ZNF292: variants seen among roughly 807,000 people sequenced by gnomAD.
The protein encoded by ZNF292 is 16 zinc-finger domain protein.
Under a neutral mutation model 217.9 loss-of-function variants are expected in ZNF292, and 26 were observed. The observed-to-expected ratio is 0.12, with a 90% CI of 0.09 to 0.17. The LOEUF is 0.17. Among genes scored for constraint, ZNF292 ranks in the 10% least tolerant of loss-of-function variants. ZNF292 has a pLI of 1.00. For synonymous variants in ZNF292, 1,257 were observed against 1,124.1 expected (o/e 1.12, Z -2.37); for missense variants, 2,904 against 3,175.2 (o/e 0.91, Z 2.05).
chr6:87,166,831 C>T (rs1770932023), intron 1 of ZNF292, among the ~76,000 whole-genome samples: 1 of 152,094 alleles, frequency 6.6e-6, no homozygotes, highest in African/African-American at 2.4e-5. Context: ...TTTTGGATTC[C>T]TTCATTGTAC....
chr6:87,191,239 T>G (rs1319524311), intron 1 of ZNF292, among the ~76,000 whole-genome samples: 3 of 152,142 alleles, frequency 2.0e-5, no homozygotes, highest in Non-Finnish European at 4.4e-5. Context: ...AAGAATTGTC[T>G]TGAGCCACAC....
Position 87,261,720 on chromosome 6 carries a change from T to TG in ZNF292, c.8092dup (p.Glu2698GlyfsTer6), listed in dbSNP as rs780666930. On this transcript the variant is annotated frameshift_variant, in exon 8 of 8. Coordinates refer to ENST00000369577, the MANE Select transcript of ZNF292 (RefSeq NM_015021.3). LOFTEE classifies it high-confidence loss of function. ...AACCTACCGTCAGTCTGAAAAAACT[T>TG]GAAGTACATTCAAATGATCCAGATA... The TG allele has an allele frequency of 2.1e-5, 34 of 1,612,990 alleles. No individual in the cohort carries two copies. Among genetic ancestry groups the TG allele is most frequent in the Non-Finnish European group, 5.9e-6 (7 of 1,179,364 alleles).
chr6:87,160,471 G>A (rs145162674), intron 1 of ZNF292, among the ~76,000 whole-genome samples: 88 of 145,836 alleles, frequency 6.0e-4, no homozygotes, highest in African/African-American at 2.3e-3. Context: ...GTATACATAC[G>A]TACATGTGTT....
chr6:87,263,339 T>C lies in ZNF292; in HGVS notation c.*1538T>C, dbSNP rs567142278. On this transcript the variant is annotated 3_prime_UTR_variant, in exon 8 of 8. Transcript: ENST00000369577. ...TTGTGTTTGTTATAAAACAGTTGCATTCACAATATTATTGGCCTGAGATAT... is the reference window on the plus strand; with the variant it reads ...TTGTGTTTGTTATAAAACAGTTGCACTCACAATATTATTGGCCTGAGATAT... 34 of 152,150 alleles carry C rather than the reference T, an allele frequency of 2.2e-4. No individual in the cohort carries two copies. The highest frequency in any genetic ancestry group is 7.9e-4 in the African/African-American group (33 of 41,556). 9.4% of individuals were successfully genotyped at this position (152,150 alleles called of 1,614,324 possible).
In ZNF292 at chr6:87,261,396, G is replaced by T. The variant is rs753128874; in HGVS notation, c.7767G>T (p.Met2589Ile). 6.2e-7 allele frequency: 1 copy of T among 1,612,208 alleles called. No individual in the cohort carries two copies. Among genetic ancestry groups the T allele is most frequent in the Non-Finnish European group, 8.5e-7 (1 of 1,179,096 alleles). Residue 2589 changes from methionine to isoleucine, a missense_variant, in exon 8 of 8, where the codon ATG (methionine) becomes ATT (isoleucine). Met to Ile is a conservative substitution (Grantham distance 10, BLOSUM62 1). Coordinates refer to ENST00000369577, the MANE Select transcript of ZNF292 (RefSeq NM_015021.3). ...ASFDWSSFKP[M>I]GFEVSFLKFL... ...TTGACTGGAGCTCTTTTAAGCCAAT[G>T]GGATTTGAAGTATCATTTCTGAAGT...
At chr6:87,222,971 G>C (rs1582447545) in intron 4 of ZNF292, 2 of 300,834 alleles carry the variant, frequency 6.6e-6, no homozygotes, top group East Asian at 1.5e-4. Context: ...TGGGTTTTGA[G>C]GAGGAAGACC....
intron 1 of ZNF292, among the ~76,000 whole-genome samples, chr6:87,198,977 A>G (rs925887110): frequency 9.9e-5 from 15 of 152,172 alleles, no homozygotes; most frequent in Non-Finnish European, 1.5e-4. Flanking sequence ...GTGAACAGTC[A>G]TATACTTTTC....
chr6:87,226,885 G>A (rs909210887), intron 4 of ZNF292, among the ~76,000 whole-genome samples: 2 of 151,650 alleles, frequency 1.3e-5, no homozygotes, highest in Non-Finnish European at 2.9e-5. Flanking sequence ...TCACTATGTT[G>A]GCCAGGCTGG....
intron 7 of ZNF292, among the ~76,000 whole-genome samples, chr6:87,253,806 T>C (rs1426739410): frequency 6.6e-6 from 1 of 152,238 alleles, no homozygotes; most frequent in Non-Finnish European, 1.5e-5. Flanking sequence ...ACATATTTTA[T>C]TCCAGTGAAT....
chr6:87,239,432 G>A (rs1230051952), intron 5 of ZNF292, among the ~76,000 whole-genome samples: 5 of 143,454 alleles, frequency 3.5e-5, no homozygotes, highest in Non-Finnish European at 5.9e-5. Flanking sequence ...GTGGCTGGCC[G>A]GGCGGGGGCT....
chr6:87,261,372 T>C lies in ZNF292; in HGVS notation c.7743T>C (p.Phe2581=). The change falls in exon 8 of 8, where the codon TTT becomes TTC. Residue 2581 remains phenylalanine, a synonymous_variant. Coordinates refer to ENST00000369577, the MANE Select transcript of ZNF292 (RefSeq NM_015021.3). ...IQTIEEHPAS[F]DWSSFKPMGF... is the part of the protein sequence containing the mutation. ...CCATTGAGGAGCATCCTGCATCTTTTGACTGGAGCTCTTTTAAGCCAATGG... is the reference window on the plus strand; with the variant it reads ...CCATTGAGGAGCATCCTGCATCTTTCGACTGGAGCTCTTTTAAGCCAATGG... The C allele has an allele frequency of 6.2e-7, 1 of 1,613,246 alleles. No individual in the cohort carries two copies. The highest frequency in any genetic ancestry group is 8.5e-7 in the Non-Finnish European group (1 of 1,179,582).
intron 1 of ZNF292, among the ~76,000 whole-genome samples, chr6:87,208,013 G>A (rs1306074871): frequency 1.3e-5 from 2 of 152,016 alleles, no homozygotes; most frequent in African/African-American, 2.4e-5. Flanking sequence ...TGCCTAGAAG[G>A]TAAAAAATTT....
At chr6:87,190,366 T>C (rs1055669550) in intron 1 of ZNF292, among the ~76,000 whole-genome samples, 22 of 152,344 alleles carry the variant, frequency 1.4e-4, no homozygotes, top group African/African-American at 3.8e-4. Context: ...TTTTAAGTTA[T>C]TAAAGCAGTG....
chr6:87,247,744 T>C (rs940283203), intron 7 of ZNF292, among the ~76,000 whole-genome samples: 6 of 152,202 alleles, frequency 3.9e-5, no homozygotes, highest in African/African-American at 1.4e-4. Context: ...ATAGGATTAC[T>C]TGCCTAATAC....
In ZNF292 at chr6:87,261,137, A is replaced by G; in HGVS notation, c.7508A>G (p.Gln2503Arg). ...INEDSTSVET[Q>R]ANTSSNVSND... ...GAAGATAGCACAAGTGTAGAGACCCAAGCTAATACTTCTTCAAATGTAAGT... is the reference window on the plus strand; with the variant it reads ...GAAGATAGCACAAGTGTAGAGACCCGAGCTAATACTTCTTCAAATGTAAGT... The change falls in exon 8 of 8, where the codon CAA becomes CGA. Residue 2503 changes from glutamine to arginine, a missense_variant. Transcript: ENST00000369577. The G allele has an allele frequency of 6.2e-7, 1 of 1,613,008 alleles. No individual in the cohort carries two copies. The highest frequency in any genetic ancestry group is 8.5e-7 in the Non-Finnish European group (1 of 1,179,540).
At chr6:87,207,774 A>G (rs983891835) in intron 1 of ZNF292, among the ~76,000 whole-genome samples, 42 of 152,204 alleles carry the variant, frequency 2.8e-4, no homozygotes, top group African/African-American at 9.4e-4. Context: ...AGCTTATTCA[A>G]GCACATTAGG....
intron 5 of ZNF292, among the ~76,000 whole-genome samples, chr6:87,238,597 T>G (rs1347600063): frequency 6.6e-6 from 1 of 150,498 alleles, no homozygotes; most frequent in African/African-American, 2.4e-5. Context: ...CAAGAGTGCC[T>G]TAGGTTTTAT....
rs1228766561 is a variant in ZNF292 at position 87,232,735 on chromosome 6, CGAAGTTTTATCCTTTGG to C, written c.539-589_539-573del. On this transcript the variant is annotated intron_variant, in intron 4 of 7. Transcript: ENST00000369577. Reference sequence around the variant, plus strand: ...AACCCACAGAAGTTTTATCCTTTGGCGAAGTTTTATCCTTTGGCAAACTTTTCTCCCATCTTATTTAT... The same window carrying C: ...AACCCACAGAAGTTTTATCCTTTGGCCAAACTTTTCTCCCATCTTATTTAT... Among the ~76,000 whole-genome samples the C allele has an allele frequency of 3.6e-3, 88 of 24,786 alleles. No homozygotes were observed. The African/African-American group carries it at 0.058, about 16-fold the overall frequency. 16.3% of individuals were successfully genotyped at this position (24,786 alleles called of 152,430 possible). A position where few individuals can be genotyped will look rare whatever the true frequency, so the allele number is the denominator to read the frequency against.
chr6:87,228,824 C>T (rs1370913482), intron 4 of ZNF292, among the ~76,000 whole-genome samples: 1 of 152,172 alleles, frequency 6.6e-6, no homozygotes, highest in East Asian at 1.9e-4. Context: ...TGTTTGATTA[C>T]TTGAGCTCTG....
Sources: gnomAD v4.1 joint callset for allele counts (sites outside exome capture counted in the v4.1 genomes callset) on GRCh38, gnomAD v4.1.1 for gene constraint, MANE v1.5 for transcripts, NCBI Gene and HGNC (gene_info 2026-07-23, HGNC 2026-07-21) for gene names.